Variants in ZNF85 observed in about 807,000 individuals in gnomAD.
ZNF85 encodes the protein zinc finger protein 85, also known as zinc finger protein 85 (HPF4, HTF1).
ZNF85 carries 50 observed loss-of-function variants against 53.9 expected under a neutral mutation model. That is an observed-to-expected ratio of 0.93 (90% CI 0.74 to 1.17). The LOEUF (loss-of-function observed/expected upper bound fraction) is 1.17, where lower values mean the gene tolerates loss of function less well. Among genes scored for constraint, ZNF85 ranks in the 50% most tolerant of loss-of-function variants. The pLI, the probability that ZNF85 is intolerant of heterozygous loss-of-function variation, is 0.00. For synonymous variants in ZNF85, 225 were observed against 226.1 expected, an observed-to-expected ratio of 1.00 and a Z score of 0.04; for missense variants, 747 against 688.5, an observed-to-expected ratio of 1.08 and a Z score of -0.95.
chr19:20,926,969 A>G (rs1972894578), intron 1 of ZNF85: 1 of 152,124 alleles, frequency 6.6e-6, no homozygotes, highest in South Asian at 2.1e-4. Flanking sequence ...AGCATAAAAG[A>G]TTAGAAAAAA....
intron 3 of ZNF85, chr19:20,945,648 C>T (rs1004289338): frequency 3.3e-5 from 5 of 152,132 alleles, no homozygotes; most frequent in African/African-American, 9.7e-5. Context: ...CCATGCCCGG[C>T]TCATTTTTGT....
chr19:20,924,155 A>G (rs1258918719), intron 1 of ZNF85, among the ~76,000 whole-genome samples: 2 of 152,090 alleles, frequency 1.3e-5, no homozygotes, highest in Non-Finnish European at 1.5e-5. Flanking sequence ...TGGTTCAAGT[A>G]TTGTAGAGCA....
At chr19:20,939,775 G>A (rs113944412) in intron 3 of ZNF85, among the ~76,000 whole-genome samples, 5 of 151,914 alleles carry the variant, frequency 3.3e-5, no homozygotes, top group African/African-American at 7.3e-5. Flanking sequence ...TCAGCTCACC[G>A]CAACCTCTGC....
At chr19:20,942,719 G>A in intron 3 of ZNF85, 1 of 623,490 alleles carries the variant, frequency 1.6e-6, no homozygotes, top group Non-Finnish European at 2.9e-6. Context: ...GTTGCATTCA[G>A]TTTTGGTCAG....
intron 3 of ZNF85, among the ~76,000 whole-genome samples, chr19:20,947,963 G>A (rs1354131762): frequency 1.3e-5 from 2 of 151,726 alleles, no homozygotes; most frequent in African/African-American, 2.4e-5. Flanking sequence ...TTCTGATGGG[G>A]CTATGTTGCC....
intron 1 of ZNF85, among the ~76,000 whole-genome samples, chr19:20,924,848 A>G (rs1972843042): frequency 1.3e-5 from 2 of 152,310 alleles, no homozygotes; most frequent in South Asian, 2.1e-4. Flanking sequence ...TTCCCTAGGC[A>G]CAGAGTTCTT....
chr19:20,949,761 A>G lies in ZNF85; in HGVS notation c.1247A>G (p.His416Arg), dbSNP rs747126038. The change falls in exon 4 of 4, where the codon CAT becomes CGT. Residue 416 changes from histidine to arginine, a missense_variant. Coordinates refer to ENST00000328178, the MANE Select transcript of ZNF85 (RefSeq NM_003429.5). ...AFKHSSTLTK[H>R]KIIHTGEKPY... Reference sequence around the variant, plus strand: ...AAACACTCTTCAACCCTTACTAAACATAAGATAATTCATACTGGAGAGAAG... The same window carrying G: ...AAACACTCTTCAACCCTTACTAAACGTAAGATAATTCATACTGGAGAGAAG... The G allele has an allele frequency of 2.9e-5, 46 of 1,611,820 alleles. No homozygotes were observed. The highest frequency in any genetic ancestry group is 1.2e-4 in the Admixed American group (7 of 59,652).
rs1973069509 is a variant in ZNF85, at chr19:20,933,232, TGTTAATGATTCACTTG to T, written c.4-786_4-771del. On this transcript the variant is annotated intron_variant, in intron 1 of 3. Coordinates refer to ENST00000328178, the MANE Select transcript of ZNF85 (RefSeq NM_003429.5). ...AAAAAATTTGTCCTAGTGCAGTTCA[TGTTAATGATTCACTTG>T]GTTAAAGAGCTCTCTGACAGATTTT... Among the ~76,000 whole-genome samples the T allele has an allele frequency of 4.6e-5, 7 of 152,008 alleles. 1 individual carries two copies. The highest frequency in any genetic ancestry group is 1.7e-4 in the African/African-American group (7 of 41,496).
Position 20,925,230 on chromosome 19 carries a change from G to A in ZNF85, c.3+1827G>A, listed in dbSNP as rs557572389. Among the ~76,000 whole-genome samples the A allele has an allele frequency of 1.8e-4, 27 of 152,112 alleles. 1 individual carries two copies. Among genetic ancestry groups the A allele is most frequent in the Middle Eastern group, 6.8e-3 (2 of 294 alleles). ...TCCCAGCACTTTGTGAGGCCGAGGC[G>A]GGCGGATCGCGAGGTCAGGAATTTG... On this transcript the variant is annotated intron_variant, in intron 1 of 3. Transcript: ENST00000328178.
At chr19:20,937,887 G>A (rs1217580894) in intron 3 of ZNF85, among the ~76,000 whole-genome samples, 2 of 152,150 alleles carry the variant, frequency 1.3e-5, no homozygotes, top group Non-Finnish European at 2.9e-5. Context: ...AGCTGGGTGG[G>A]CCATTTCTTT....
At chr19:20,946,570 G>GCA (rs74172383) in intron 3 of ZNF85, among the ~76,000 whole-genome samples, 4,669 of 144,976 alleles carry the variant, frequency 0.032, 168 homozygotes, top group African/African-American at 0.096. Context: ...ATATACACAT[G>GCA]CACACACACA....
Position 20,934,028 on chromosome 19 carries a change from C to T in ZNF85, c.8C>T (p.Pro3Leu). 1 of 1,599,608 alleles carries T rather than the reference C, an allele frequency of 6.3e-7. No homozygotes were observed. The highest frequency in any genetic ancestry group is 8.5e-7 in the Non-Finnish European group (1 of 1,172,460). Residue 3 changes from proline (P) to leucine (L), a missense_variant, in exon 2 of 4, where the codon CCA becomes CTA. By Grantham distance (98) the Pro-to-Leu change is moderately conservative. Transcript: ENST00000328178. ...GTATGTGTGTGTATCTTTCAGGGACCATTGACATTTAGGGATGTGGCCATA... is the reference window on the plus strand; with the variant it reads ...GTATGTGTGTGTATCTTTCAGGGACTATTGACATTTAGGGATGTGGCCATA... MGPLTFRDVAIEF... is the reference protein window; with the variant it reads MGLLTFRDVAIEF...
chr19:20,940,759 CTA>C (rs916193917), intron 3 of ZNF85, among the ~76,000 whole-genome samples: 28 of 152,138 alleles, frequency 1.8e-4, no homozygotes, highest in African/African-American at 6.3e-4. Context: ...AATATAGTAT[CTA>C]TAATTTTATT....
At chr19:20,940,477 T>C (rs904495946) in intron 3 of ZNF85, among the ~76,000 whole-genome samples, 1 of 152,060 alleles carries the variant, frequency 6.6e-6, no homozygotes, top group African/African-American at 2.4e-5. Flanking sequence ...TTTCAGACTA[T>C]AGTCAACCAT....
At chr19:20,931,809 G>A (rs987116648) in intron 1 of ZNF85, among the ~76,000 whole-genome samples, 1 of 151,818 alleles carries the variant, frequency 6.6e-6, no homozygotes, top group African/African-American at 2.4e-5. Flanking sequence ...CTGTTTCATC[G>A]TGTTAGCCAG....
At chr19:20,942,154 ATATTAT>A (rs947969781) in intron 3 of ZNF85, among the ~76,000 whole-genome samples, 3 of 150,482 alleles carry the variant, frequency 2.0e-5, no homozygotes, top group South Asian at 2.1e-4. Context: ...TGTAGCTTTT[ATATTAT>A]TATTATTAAT....
chr19:20,950,013 A>T lies in ZNF85; in HGVS notation c.1499A>T (p.His500Leu). The change falls in exon 4 of 4, where the codon CAT becomes CTT. Residue 500 changes from histidine (H) to leucine (L), a missense_variant. His to Leu is a moderately conservative substitution (Grantham distance 99). Transcript: ENST00000328178. ...AAATGGCCCTCAACCCTTACTATCCATAAGATAATTCATACTGGAGAGAAA... is the reference window on the plus strand; with the variant it reads ...AAATGGCCCTCAACCCTTACTATCCTTAAGATAATTCATACTGGAGAGAAA... ...GFKWPSTLTI[H>L]KIIHTGEKPY... 6.2e-7 allele frequency: 1 copy of T among 1,613,128 alleles called. No individual in the cohort carries two copies. The highest frequency in any genetic ancestry group is 8.5e-7 in the Non-Finnish European group (1 of 1,179,722).
In ZNF85 at chr19:20,934,951, A is replaced by T. The variant is rs1342542200; in HGVS notation, c.133A>T (p.Ile45Phe). Residue 45 changes from isoleucine (I) to phenylalanine (F), a missense_variant and splice_region_variant, in exon 3 of 4, where the codon ATT (isoleucine) becomes TTT (phenylalanine). By Grantham distance (21) the Ile-to-Phe change is conservative (BLOSUM62 0). Coordinates refer to ENST00000328178, the MANE Select transcript of ZNF85 (RefSeq NM_003429.5). ...ENYRNLVFLG[I>F]TVSKPDLITC... is the part of the protein sequence containing the mutation. ...ATTATTTATTTTTAATAAAACAGGT[A>T]TTACTGTTTCTAAGCCAGACCTGAT... 6.2e-7 allele frequency: 1 copy of T among 1,603,706 alleles called. No individual in the cohort carries two copies. The highest frequency in any genetic ancestry group is 1.1e-5 in the South Asian group (1 of 89,142).
chr19:20,949,326 C>T lies in ZNF85; in HGVS notation c.812C>T (p.Ser271Leu), dbSNP rs1252244130. The change falls in exon 4 of 4, where the codon TCA becomes TTA. Residue 271 changes from serine to leucine, a missense_variant. Coordinates refer to ENST00000328178, the MANE Select transcript of ZNF85 (RefSeq NM_003429.5). ...EECGKTFNRFSTLTTHKIIHT... is the reference protein window; with the variant it reads ...EECGKTFNRFLTLTTHKIIHT... ...TGTGGCAAAACTTTTAACCGATTCT[C>T]AACTCTTACTACCCATAAGATAATT... is the stretch of plus-strand genomic sequence containing the variant. The T allele has an allele frequency of 1.2e-6, 2 of 1,608,992 alleles. No individual in the cohort carries two copies.
Sources: allele counts gnomAD v4.1 joint callset (sites outside exome capture counted in the v4.1 genomes callset), GRCh38; gene constraint gnomAD v4.1.1; transcripts MANE v1.5; gene names NCBI Gene and HGNC (gene_info 2026-07-23, HGNC 2026-07-21).